The following KIDINS220 variants were observed in gnomAD, a reference collection of about 807,000 sequenced individuals.
KIDINS220 encodes the protein kinase D-interacting substrate of 220 kDa.
Under a neutral mutation model 157.6 loss-of-function variants are expected in KIDINS220, and 63 were observed. The ratio of observed to expected loss-of-function variants is 0.40; its 90% CI spans 0.33 to 0.49. The LOEUF is 0.49. KIDINS220 is among the 20% of genes least tolerant of loss of function. The probability of loss-of-function intolerance (pLI) is 0.66; values close to 1 mark genes in which losing one functional copy is unlikely to be tolerated. For missense variants in KIDINS220, 1,772 were observed against 2,171.2 expected (o/e 0.82, Z 3.65); for synonymous variants, 732 against 783.6 (o/e 0.93, Z 1.10).
downstream of KIDINS220, chr2:8,727,057 G>T: frequency 1.0e-6 from 1 of 985,968 alleles, no homozygotes; most frequent in Non-Finnish European, 1.4e-6. Context: ...TCCAGTGCTG[G>T]CTGTTGTCTA....
intron 7 of KIDINS220, among the ~76,000 whole-genome samples, chr2:8,803,422 T>C (rs1675005134): frequency 6.6e-6 from 1 of 152,114 alleles, no homozygotes; most frequent in Non-Finnish European, 1.5e-5. Context: ...ATAAACTAAC[T>C]CAGTAATGAA....
At chr2:8,828,222 G>GCTA (rs1225533957) in intron 1 of KIDINS220, among the ~76,000 whole-genome samples, 1 of 152,148 alleles carries the variant, frequency 6.6e-6, no homozygotes, top group Non-Finnish European at 1.5e-5. Context: ...AGGCCTCTGT[G>GCTA]CTACTTTTCT....
At chr2:8,816,585 A>G (rs544599167) in intron 4 of KIDINS220, among the ~76,000 whole-genome samples, 1 of 152,302 alleles carries the variant, frequency 6.6e-6, no homozygotes, top group African/African-American at 2.4e-5. Flanking sequence ...TCATTAACCC[A>G]TCTGATAATC....
chr2:8,786,166 C>T (rs1483087104), intron 16 of KIDINS220, 40 bp downstream of exon 16: 1 of 1,610,914 alleles, frequency 6.2e-7, no homozygotes, highest in East Asian at 2.2e-5. Context: ...TATCCCACCC[C>T]CATCCCTTAC....
chr2:8,810,882 T>C (rs1468598498), intron 6 of KIDINS220, among the ~76,000 whole-genome samples: 1 of 152,176 alleles, frequency 6.6e-6, no homozygotes, highest in Non-Finnish European at 1.5e-5. Flanking sequence ...ACAAATGCAA[T>C]ATTCTTAAAT....
chr2:8,750,292 C>G lies in KIDINS220; in HGVS notation c.3234G>C (p.Ala1078=). The G allele has an allele frequency of 6.2e-7, 1 of 1,612,226 alleles. No homozygotes were observed. The highest frequency in any genetic ancestry group is 8.5e-7 in the Non-Finnish European group (1 of 1,179,082). ...CCTCATGTAGAGGGAGCGGGGGGTA[C>G]GCCAGTCCTCCAATACTGATCTGCT... is the stretch of plus-strand genomic sequence containing the variant. ...AREQISIGGL[A]YPPLPLHEGP... is the part of the protein sequence containing the mutation. Residue 1078 remains alanine, a synonymous_variant, in exon 24 of 30, where the codon GCG becomes GCC. Coordinates refer to ENST00000256707, the MANE Select transcript of KIDINS220 (RefSeq NM_020738.4).
Position 8,785,780 on chromosome 2 carries a change from G to C in KIDINS220, c.2190C>G (p.Ala730=), listed in dbSNP as rs1672314786. 6.2e-7 allele frequency: 1 copy of C among 1,613,290 alleles called. No individual in the cohort carries two copies. Among genetic ancestry groups the C allele is most frequent in the South Asian group, 1.1e-5 (1 of 90,782 alleles). ...CACTTTTCAATTTGTGCAGTTTGGAGGCTGCATTATGGAGGCGTTTTCTTT... is the reference window on the plus strand; with the variant it reads ...CACTTTTCAATTTGTGCAGTTTGGACGCTGCATTATGGAGGCGTTTTCTTT... The part of the protein sequence containing the change: ...NSQRKRLHNA[A]SKLHKLKSEG... Residue 730 remains alanine, a synonymous_variant, in exon 17 of 30, where the codon GCC becomes GCG. Transcript: ENST00000256707.
chr2:8,789,862 TA>T lies in KIDINS220; in HGVS notation c.1621+17del. 1 of 1,548,508 alleles carries T rather than the reference TA, an allele frequency of 6.5e-7. No individual in the cohort carries two copies. The highest frequency in any genetic ancestry group is 8.7e-7 in the Non-Finnish European group (1 of 1,148,702). ...ACGTTTTCTCCATTTTTGAAAAAGA[TA>T]AAAAGCAAAGACTTACTAAAGAATA... is the stretch of plus-strand genomic sequence containing the variant. On this transcript the variant is annotated intron_variant, in intron 14 of 29. Coordinates refer to ENST00000256707, the MANE Select transcript of KIDINS220 (RefSeq NM_020738.4).
At chr2:8,831,470 T>C (rs7580931) in intron 1 of KIDINS220, among the ~76,000 whole-genome samples, 32,787 of 152,122 alleles carry the variant, frequency 0.22, 4,375 homozygotes, top group Middle Eastern at 0.32. Flanking sequence ...CACGTATATA[T>C]GCCTGAACAG....
chr2:8,793,774 T>A, intron 12 of KIDINS220, 36 bp downstream of exon 12: 2 of 1,531,754 alleles, frequency 1.3e-6, no homozygotes, highest in East Asian at 4.6e-5. Flanking sequence ...CATTGATTAT[T>A]TAAAAGCTCA....
At chr2:8,783,642 T>C (rs577907738) in intron 17 of KIDINS220, among the ~76,000 whole-genome samples, 1 of 152,270 alleles carries the variant, frequency 6.6e-6, no homozygotes, top group African/African-American at 2.4e-5. Flanking sequence ...AGATTTCAGA[T>C]TAATACAAAA....
chr2:8,831,688 A>G (rs1285307605), intron 1 of KIDINS220, among the ~76,000 whole-genome samples: 2 of 152,226 alleles, frequency 1.3e-5, no homozygotes, highest in Non-Finnish European at 2.9e-5. Flanking sequence ...TTGCAGCAGG[A>G]TCTGCTTTAT....
At chr2:8,754,192 C>T (rs1667720935) in intron 22 of KIDINS220, among the ~76,000 whole-genome samples, 1 of 152,206 alleles carries the variant, frequency 6.6e-6, no homozygotes, top group African/African-American at 2.4e-5. Flanking sequence ...TTAATGCCAG[C>T]TCTGCTTCTG....
chr2:8,767,140 T>C (rs1032826249), intron 22 of KIDINS220, among the ~76,000 whole-genome samples: 1 of 152,218 alleles, frequency 6.6e-6, no homozygotes, highest in Non-Finnish European at 1.5e-5. Context: ...GGAATTATCT[T>C]GTAATTTTAC....
intron 26 of KIDINS220, among the ~76,000 whole-genome samples, chr2:8,745,329 T>A (rs571578696): frequency 6.6e-6 from 1 of 152,292 alleles, no homozygotes; most frequent in South Asian, 2.1e-4. Context: ...GGATTAAAGA[T>A]CCTGTAAGCA....
intron 22 of KIDINS220, among the ~76,000 whole-genome samples, chr2:8,768,329 CA>C (rs1471420904): frequency 6.6e-6 from 1 of 151,102 alleles, no homozygotes. Flanking sequence ...ATAATTGTAC[CA>C]ATTAAAACCA....
Position 8,791,241 on chromosome 2 carries a change from T to A in KIDINS220, c.1277-17A>T. The A allele has an allele frequency of 6.2e-7, 1 of 1,603,322 alleles. No individual in the cohort carries two copies. On this transcript the variant is annotated splice_polypyrimidine_tract_variant and intron_variant, in intron 12 of 29. Coordinates refer to ENST00000256707, the MANE Select transcript of KIDINS220 (RefSeq NM_020738.4). ...ACAAGTGTCCTGTAATTAAAACACA[T>A]CATATCTTACATTAAACAGTGGCAT...
rs559994983 is a variant in KIDINS220 at position 8,807,951 on chromosome 2, A to C, written c.505-1582T>G. Among the ~76,000 whole-genome samples, 76 of 152,162 alleles carry C rather than the reference A, an allele frequency of 5.0e-4. 1 individual carries two copies. Among genetic ancestry groups the C allele is most frequent in the East Asian group, 2.5e-3 (13 of 5,176 alleles). On this transcript the variant is annotated intron_variant, in intron 6 of 29. Transcript: ENST00000256707. Reference sequence around the variant, plus strand: ...AGCCTGGCCAACATGGTGAAATCCTATCTCTACTAAAAATACAAAAAAATT... The same window carrying C: ...AGCCTGGCCAACATGGTGAAATCCTCTCTCTACTAAAAATACAAAAAAATT...
intron 21 of KIDINS220, among the ~76,000 whole-genome samples, chr2:8,773,193 A>G (rs1300114708): frequency 6.6e-6 from 1 of 152,242 alleles, no homozygotes; most frequent in African/African-American, 2.4e-5. Flanking sequence ...GACATAAAAG[A>G]CAAATATCTC....
Sources: gnomAD v4.1 joint callset for allele counts (sites outside exome capture counted in the v4.1 genomes callset) on GRCh38, gnomAD v4.1.1 for gene constraint, MANE v1.5 for transcripts, NCBI Gene and HGNC (gene_info 2026-07-23, HGNC 2026-07-21) for gene names.